NPAT: variants seen among roughly 807,000 people sequenced by gnomAD.
NPAT encodes the protein protein NPAT.
Under a neutral mutation model 130.7 loss-of-function variants are expected in NPAT, and 52 were observed. The observed-to-expected ratio is 0.40, with a 90% CI of 0.32 to 0.50. The LOEUF is 0.50. Among genes scored for constraint, NPAT ranks in the 20% least tolerant of loss-of-function variants. The pLI, the probability that NPAT is intolerant of heterozygous loss-of-function variation, is 0.68. For missense variants in NPAT, 1,687 were observed against 1,662.6 expected, an observed-to-expected ratio of 1.01 and a Z score of -0.26; for synonymous variants, 580 against 584.8, an observed-to-expected ratio of 0.99 and a Z score of 0.12.
intron 1 of NPAT, among the ~76,000 whole-genome samples, chr11:108,203,602 A>G (rs994458736): frequency 2.0e-5 from 3 of 152,180 alleles, no homozygotes; most frequent in African/African-American, 7.2e-5. Context: ...TTAACCTACC[A>G]TGAACATCCT....
intron 1 of NPAT, chr11:108,208,375 G>A (rs2078349685): frequency 4.7e-6 from 2 of 423,432 alleles, no homozygotes; most frequent in South Asian, 3.3e-5. Context: ...AGAATCGCTT[G>A]AGCCTAGGGT....
At chr11:108,194,535 T>C (rs1438860150) in intron 2 of NPAT, among the ~76,000 whole-genome samples, 7 of 152,262 alleles carry the variant, frequency 4.6e-5, no homozygotes, top group East Asian at 1.9e-4. Context: ...ATCCACGTTA[T>C]TGTGTGAATC....
chr11:108,162,179 T>C lies in NPAT; in HGVS notation c.3012A>G (p.Gly1004=), dbSNP rs765149476. The C allele has an allele frequency of 1.9e-6, 3 of 1,613,030 alleles. No homozygotes were observed. Among genetic ancestry groups the C allele is most frequent in the Admixed American group, 3.3e-5 (2 of 60,006 alleles). ...AATCCACCAAATTATTTACTTGTTT[T>C]CCTGAAATTATAAATGAACATTCCT... The part of the protein sequence containing the change: ...AQGLRNKPCI[G]KQVNNLVDSS... Residue 1004 remains glycine (G), a splice_region_variant and synonymous_variant, in exon 16 of 18, where the codon GGA becomes GGG. Coordinates refer to ENST00000278612, the MANE Select transcript of NPAT (RefSeq NM_002519.3).
intron 10 of NPAT, among the ~76,000 whole-genome samples, chr11:108,181,581 T>C (rs375432301): frequency 6.6e-6 from 1 of 152,222 alleles, no homozygotes; most frequent in African/African-American, 2.4e-5. Flanking sequence ...ATATATTTTA[T>C]TTTTACAATT....
intron 1 of NPAT, among the ~76,000 whole-genome samples, chr11:108,202,282 C>A (rs528819013): frequency 1.1e-4 from 16 of 152,038 alleles, no homozygotes; most frequent in Non-Finnish European, 2.4e-4. Flanking sequence ...ATTGTAAAGG[C>A]CACCAAAAGT....
intron 1 of NPAT, among the ~76,000 whole-genome samples, chr11:108,220,196 G>C (rs991046773): frequency 6.6e-6 from 1 of 152,188 alleles, no homozygotes. Context: ...ACAACATTTT[G>C]TAAAATCCCA....
intron 1 of NPAT, among the ~76,000 whole-genome samples, chr11:108,218,407 T>TA (rs1315266550): frequency 3.3e-5 from 5 of 152,196 alleles, no homozygotes; most frequent in Non-Finnish European, 7.3e-5. Context: ...TAAAGCACGC[T>TA]ATGTGAAAAC....
At chr11:108,185,181 C>G (rs780357538) in intron 10 of NPAT, 51 bp downstream of exon 10, 1 of 1,227,478 alleles carries the variant, frequency 8.1e-7, no homozygotes, top group South Asian at 1.2e-5. Context: ...TACCATCAAT[C>G]TTAAGTATAA....
At chr11:108,176,494 T>G in intron 11 of NPAT, 120 bp from the exon 12 acceptor site, 3 of 748,848 alleles carry the variant, frequency 4.0e-6, no homozygotes, top group Non-Finnish European at 6.7e-6. Flanking sequence ...TATGGATGTT[T>G]AAAAAATGTT....
At chr11:108,208,588 T>C in intron 1 of NPAT, 1 of 273,046 alleles carries the variant, frequency 3.7e-6, no homozygotes, top group East Asian at 1.2e-4. Flanking sequence ...ACCCTGTCTT[T>C]AAAAAAAAAA....
chr11:108,216,278 T>C (rs1315446137), intron 1 of NPAT, among the ~76,000 whole-genome samples: 4 of 152,098 alleles, frequency 2.6e-5, no homozygotes, highest in African/African-American at 4.8e-5. Context: ...AAATCTACTA[T>C]AGATTTGCAG....
chr11:108,218,420 C>A (rs1361116964), intron 1 of NPAT, among the ~76,000 whole-genome samples: 1 of 152,114 alleles, frequency 6.6e-6, no homozygotes, highest in African/African-American at 2.4e-5. Context: ...GTGAAAACAT[C>A]TCCTTCACAT....
intron 2 of NPAT, among the ~76,000 whole-genome samples, chr11:108,196,396 C>A (rs2078221179): frequency 6.6e-6 from 1 of 152,116 alleles, no homozygotes. Flanking sequence ...CCAAGTTGTT[C>A]TTTTTCAGAA....
intron 11 of NPAT, among the ~76,000 whole-genome samples, chr11:108,176,613 T>C (rs374272348): frequency 1.3e-5 from 2 of 152,190 alleles, no homozygotes; most frequent in African/African-American, 4.8e-5. Flanking sequence ...AATGCTGAGA[T>C]TGTTGGTTTG....
rs190214372 is a variant in NPAT, at chr11:108,212,401, T to C, written c.37+10099A>G. Reference sequence around the variant, plus strand: ...TTAGCCAGGTGTGGTGGTGCATGCCTGTAATGCCAACTACTCAGGAGGCAG... The same window carrying C: ...TTAGCCAGGTGTGGTGGTGCATGCCCGTAATGCCAACTACTCAGGAGGCAG... On this transcript the variant is annotated intron_variant, in intron 1 of 17. Coordinates refer to ENST00000278612, the MANE Select transcript of NPAT (RefSeq NM_002519.3). Among the ~76,000 whole-genome samples, 29 of 151,106 alleles carry C rather than the reference T, an allele frequency of 1.9e-4. No individual in the cohort carries two copies. The East Asian group carries it at 5.7e-3, about 30-fold the overall frequency.
chr11:108,192,229 G>T, intron 3 of NPAT, 39 bp from the exon 4 acceptor site: 1 of 1,306,744 alleles, frequency 7.7e-7, no homozygotes, highest in Non-Finnish European at 1.1e-6. Flanking sequence ...AAACCCAGCT[G>T]AAGAAATTTC....
At position 108,161,341 on chromosome 11, in the gene NPAT, C is replaced by A; in HGVS notation, c.3745G>T (p.Asp1249Tyr). Reference protein sequence around the residue: ...SSLITTEMLQDIQRHSSVSRL... With the variant: ...SSLITTEMLQYIQRHSSVSRL... ...CTTACTGAGCTGTGCCTCTGTATAT[C>A]CTGTAACATTTCTGTGGTAATCAAA... Residue 1249 changes from aspartate (D) to tyrosine (Y), a missense_variant, in exon 17 of 18, where the codon GAT (aspartate) becomes TAT (tyrosine). Physicochemically the swap from Asp to Tyr is radical, Grantham distance 160 (BLOSUM62 -3). Around this residue, in one of 3 missense-constraint regions of NPAT, gnomAD observed 1,379 missense variants for 1,346.6 expected, o/e 1.02. Transcript: ENST00000278612. 1 of 1,614,170 alleles carries A rather than the reference C, an allele frequency of 6.2e-7. No homozygotes were observed. Among genetic ancestry groups the A allele is most frequent in the Non-Finnish European group, 8.5e-7 (1 of 1,180,028 alleles).
At chr11:108,219,693 G>A (rs1004596978) in intron 1 of NPAT, among the ~76,000 whole-genome samples, 3 of 151,942 alleles carry the variant, frequency 2.0e-5, no homozygotes, top group Non-Finnish European at 4.4e-5. Context: ...GCAGAAAAAT[G>A]TCAATATAGT....
intron 7 of NPAT, 73 bp from the exon 8 acceptor site, chr11:108,186,642 CAT>C: frequency 8.0e-7 from 1 of 1,248,996 alleles, no homozygotes; most frequent in Non-Finnish European, 1.2e-6. Context: ...CATATACAGA[CAT>C]AAATTTTAAG....
Sources: allele counts gnomAD v4.1 joint callset (sites outside exome capture counted in the v4.1 genomes callset), GRCh38; gene constraint gnomAD v4.1.1; regional missense constraint gnomAD v4.1.1; transcripts MANE v1.5; gene names NCBI Gene and HGNC (gene_info 2026-07-23, HGNC 2026-07-21).